NCK1: variants seen among roughly 807,000 people sequenced by gnomAD.
NCK1 encodes SH2/SH3 adapter protein NCK1.
Under a neutral mutation model 36.6 loss-of-function variants are expected in NCK1, and 19 were observed. The ratio of observed to expected loss-of-function variants is 0.52; its 90% CI spans 0.36 to 0.76. The LOEUF is 0.76. Among genes scored for constraint, NCK1 ranks in the 30% least tolerant of loss-of-function variants. The pLI is 0.00. For synonymous variants in NCK1, 165 were observed against 156.0 expected (o/e 1.06, Z -0.43); for missense variants, 358 against 445.6 (o/e 0.80, Z 1.77).
intron 1 of NCK1, among the ~76,000 whole-genome samples, chr3:136,888,031 G>A (rs1025856493): frequency 8.0e-5 from 12 of 150,050 alleles, no homozygotes; most frequent in Non-Finnish European, 1.3e-4. Flanking sequence ...TGTAACCTCC[G>A]ACTCCTAGGT....
intron 2 of NCK1, among the ~76,000 whole-genome samples, chr3:136,943,137 T>C (rs981437447): frequency 7.2e-5 from 11 of 152,106 alleles, no homozygotes; most frequent in Admixed American, 3.9e-4. Context: ...CTAGATTTTA[T>C]AAGTTTTTTT....
chr3:136,875,917 A>C (rs1938753039), intron 1 of NCK1, among the ~76,000 whole-genome samples: 1 of 152,040 alleles, frequency 6.6e-6, no homozygotes. Context: ...AGCTCTCCTC[A>C]GCAAATATAA....
intron 3 of NCK1, among the ~76,000 whole-genome samples, chr3:136,947,530 G>A (rs149992947): frequency 5.8e-4 from 88 of 152,096 alleles, no homozygotes; most frequent in African/African-American, 1.9e-3. Flanking sequence ...ATTCATTGCC[G>A]ATATTTAAAT....
chr3:136,874,825 T>C (rs147625548), intron 1 of NCK1, among the ~76,000 whole-genome samples: 102 of 152,170 alleles, frequency 6.7e-4, no homozygotes, highest in African/African-American at 2.3e-3. Context: ...TTCATGTTCA[T>C]GCTTGATTTG....
chr3:136,902,192 T>G (rs1486260243), intron 1 of NCK1, among the ~76,000 whole-genome samples: 2 of 96,480 alleles, frequency 2.1e-5, no homozygotes, highest in African/African-American at 3.6e-5. Context: ...TTGTTTTTTT[T>G]TTTTTTTTTT....
intron 1 of NCK1, among the ~76,000 whole-genome samples, chr3:136,872,975 G>C (rs1938669442): frequency 6.6e-6 from 1 of 152,242 alleles, no homozygotes; most frequent in East Asian, 1.9e-4. Flanking sequence ...CATTCGTGGA[G>C]AACCTCTGCT....
intron 1 of NCK1, 132 bp downstream of exon 1, chr3:136,862,485 G>C (rs1018658842): frequency 1.3e-5 from 2 of 152,486 alleles, no homozygotes; most frequent in African/African-American, 4.8e-5. Flanking sequence ...CCGTCTGCAG[G>C]CTCGGAGCCG....
Position 136,949,555 on chromosome 3 carries a change from A to G in NCK1, c.*1102A>G, listed in dbSNP as rs1437636000. On this transcript the variant is annotated 3_prime_UTR_variant, in exon 4 of 4. Coordinates refer to ENST00000481752, the MANE Select transcript of NCK1 (RefSeq NM_001291999.2). The stretch of plus-strand genomic sequence containing the variant: ...CAAGTAGGAATTTGGGTGTATGGAT[A>G]AGAGGCCAATCTGCTTCTGTAGGCT... 6.6e-6 allele frequency: 1 copy of G among 152,036 alleles called. No homozygotes were observed. Among genetic ancestry groups the G allele is most frequent in the African/African-American group, 2.4e-5 (1 of 41,444 alleles). 9.4% of individuals were successfully genotyped at this position (152,036 alleles called of 1,614,324 possible). A position where few individuals can be genotyped will look rare whatever the true frequency, so the allele number is the denominator to read the frequency against.
chr3:136,914,534 G>C (rs549531678), intron 1 of NCK1, among the ~76,000 whole-genome samples: 1 of 152,260 alleles, frequency 6.6e-6, no homozygotes, highest in African/African-American at 2.4e-5. Context: ...AGTTAGAAGA[G>C]TTCTTTTTCT....
At chr3:136,892,266 A>C (rs916524300) in intron 1 of NCK1, among the ~76,000 whole-genome samples, 2 of 152,182 alleles carry the variant, frequency 1.3e-5, no homozygotes, top group Non-Finnish European at 2.9e-5. Flanking sequence ...GTCCTATCAG[A>C]TGTGATTTCC....
chr3:136,869,073 A>G (rs1040279479), intron 1 of NCK1, among the ~76,000 whole-genome samples: 1 of 151,664 alleles, frequency 6.6e-6, no homozygotes, highest in Non-Finnish European at 1.5e-5. Context: ...CCCCATCTCT[A>G]CTAAAGATAT....
chr3:136,925,121 A>G (rs1940205468), intron 1 of NCK1, among the ~76,000 whole-genome samples: 2 of 152,212 alleles, frequency 1.3e-5, no homozygotes, highest in South Asian at 2.1e-4. Context: ...TAAAAGCATT[A>G]TATAAATTTT....
chr3:136,916,263 T>C (rs1322648686), intron 1 of NCK1, among the ~76,000 whole-genome samples: 2 of 152,168 alleles, frequency 1.3e-5, no homozygotes, highest in Admixed American at 6.5e-5. Context: ...CATAAGCTCA[T>C]GGAAGGCATG....
In NCK1 at chr3:136,923,559, CAAATAAATAAAT is replaced by C. The variant is rs71134421; in HGVS notation, c.-18-4400_-18-4389del. ...GACAGTGCAGTGCGAGACTCCGTCT[CAAATAAATAAAT>C]AAATAAATAAATAAATAAATAAATG... On this transcript the variant is annotated intron_variant, in intron 1 of 3. Transcript: ENST00000481752. Among the ~76,000 whole-genome samples, 32 of 145,680 alleles carry C rather than the reference CAAATAAATAAAT, an allele frequency of 2.2e-4. No individual in the cohort carries two copies. In the South Asian group the frequency reaches 2.2e-3, roughly 10 times the overall value.
chr3:136,918,259 GA>G (rs1490243166), intron 1 of NCK1, among the ~76,000 whole-genome samples: 3 of 151,778 alleles, frequency 2.0e-5, no homozygotes, highest in African/African-American at 7.3e-5. Flanking sequence ...TTTCTATTAA[GA>G]TAAATGAAGA....
At chr3:136,941,122 T>C (rs1189102683) in intron 2 of NCK1, among the ~76,000 whole-genome samples, 3 of 146,790 alleles carry the variant, frequency 2.0e-5, no homozygotes, top group Non-Finnish European at 4.5e-5. Flanking sequence ...TTTTCTTTTT[T>C]TTTTTTTTTT....
intron 1 of NCK1, chr3:136,867,317 C>G (rs1021365615): frequency 6.6e-6 from 1 of 150,728 alleles, no homozygotes; most frequent in Admixed American, 6.7e-5. Context: ...GTTGCTCAGG[C>G]TGGAGTACAG....
At chr3:136,885,099 C>T (rs1939043435) in intron 1 of NCK1, among the ~76,000 whole-genome samples, 1 of 152,066 alleles carries the variant, frequency 6.6e-6, no homozygotes, top group Non-Finnish European at 1.5e-5. Context: ...GAAATATTTA[C>T]ATAAATTTTT....
intron 1 of NCK1, among the ~76,000 whole-genome samples, chr3:136,908,812 A>T (rs1449871800): frequency 1.3e-5 from 2 of 152,360 alleles, no homozygotes; most frequent in South Asian, 2.1e-4. Context: ...TAAGACCATT[A>T]CAAGAGAATT....
Sources: allele counts gnomAD v4.1 joint callset (sites outside exome capture counted in the v4.1 genomes callset), GRCh38; gene constraint gnomAD v4.1.1; transcripts MANE v1.5; gene names NCBI Gene and HGNC (gene_info 2026-07-23, HGNC 2026-07-21).